The following TMEM242 variants were observed in gnomAD, a reference collection of about 807,000 sequenced individuals.
TMEM242 encodes transmembrane protein 242, also known as UPF0463 transmembrane protein C6orf35.
Under a neutral mutation model 18.2 loss-of-function variants are expected in TMEM242, and 10 were observed. The ratio of observed to expected loss-of-function variants is 0.55; its 90% CI spans 0.34 to 0.93. The LOEUF is 0.93. Ranked by LOEUF, TMEM242 falls within the 40% of genes least tolerant of loss-of-function variation. The pLI, the probability that TMEM242 is intolerant of heterozygous loss-of-function variation, is 0.02. For missense variants in TMEM242, 186 were observed against 175.5 expected (o/e 1.06, Z -0.34); for synonymous variants, 57 against 69.9 (o/e 0.81, Z 0.92).
rs1163583391 is a variant in TMEM242 at position 157,289,561 on chromosome 6, C to T, written c.*3340G>A. The T allele has an allele frequency of 6.6e-6, 1 of 152,156 alleles. No individual in the cohort carries two copies. Among genetic ancestry groups the T allele is most frequent in the African/African-American group, 2.4e-5 (1 of 41,426 alleles). 9.4% of individuals were successfully genotyped at this position (152,156 alleles called of 1,614,324 possible). The stretch of plus-strand genomic sequence containing the variant: ...TTAACAATTTGTCTTAAAGATGATA[C>T]ATAAAAATGAGATGAAAATATATAA... On this transcript the variant is annotated 3_prime_UTR_variant, in exon 4 of 4. Coordinates refer to ENST00000400788, the MANE Select transcript of TMEM242 (RefSeq NM_018452.6).
chr6:157,293,100 C>A (rs1777705401), intron 3 of TMEM242, 101 bp from the exon 4 acceptor site: 1 of 771,402 alleles, frequency 1.3e-6, no homozygotes, highest in Non-Finnish European at 2.3e-6. Flanking sequence ...TCACTGCTCA[C>A]AGATACAGAG....
intron 2 of TMEM242, among the ~76,000 whole-genome samples, chr6:157,321,476 G>A (rs1554250739): frequency 2.6e-5 from 4 of 152,148 alleles, no homozygotes; most frequent in Non-Finnish European, 5.9e-5. Flanking sequence ...TCACAGTTTG[G>A]TGCTACTGCC....
At chr6:157,295,966 A>C (rs1387676411) in intron 3 of TMEM242, among the ~76,000 whole-genome samples, 1 of 152,146 alleles carries the variant, frequency 6.6e-6, no homozygotes, top group East Asian at 1.9e-4. Context: ...GTAAATGAAA[A>C]CCTTCACATC....
chr6:157,319,992 C>T (rs1258395603), intron 2 of TMEM242, among the ~76,000 whole-genome samples: 1 of 152,180 alleles, frequency 6.6e-6, no homozygotes. Context: ...GCTAAGCACT[C>T]AAATATTAGA....
intron 3 of TMEM242, among the ~76,000 whole-genome samples, chr6:157,311,195 G>GTGTCCCAGTGTGCACTCACCTAGCCCC (rs1778060570): frequency 1.1e-4 from 1 of 8,892 alleles, no homozygotes; most frequent in Non-Finnish European, 2.2e-4. Context: ...CACCCAGCCT[G>GTGTCCCAGTGTGCACTCACCTAGCCCC]ATCATACTGT....
rs1188165598 is a variant in TMEM242, at chr6:157,290,618, T to A, written c.*2283A>T. ...CTTTCCATTAACCAATTTAACAATA[T>A]GCCTCTGGTACAAAAGGAATAGACA... On this transcript the variant is annotated 3_prime_UTR_variant, in exon 4 of 4. Coordinates refer to ENST00000400788, the MANE Select transcript of TMEM242 (RefSeq NM_018452.6). The A allele has an allele frequency of 6.6e-6, 1 of 152,224 alleles. No individual in the cohort carries two copies. Among genetic ancestry groups the A allele is most frequent in the Non-Finnish European group, 1.5e-5 (1 of 68,040 alleles). 9.4% of individuals were successfully genotyped at this position (152,224 alleles called of 1,614,324 possible).
intron 3 of TMEM242, chr6:157,318,340 C>T (rs1407137768): frequency 1.2e-5 from 2 of 166,046 alleles, no homozygotes; most frequent in Non-Finnish European, 2.6e-5. Flanking sequence ...GGTGATCCTC[C>T]TCCCTCAGCC....
chr6:157,323,376 A>T (rs1583578927), intron 1 of TMEM242, 36 bp downstream of exon 1: 1 of 1,606,974 alleles, frequency 6.2e-7, no homozygotes, highest in African/African-American at 1.3e-5. Context: ...GGGTTAACTC[A>T]CCCCGACGCC....
intron 3 of TMEM242, among the ~76,000 whole-genome samples, chr6:157,313,411 CAGTGTGCGCTCACCT>C (rs1778272080): frequency 7.8e-5 from 2 of 25,648 alleles, no homozygotes; most frequent in Admixed American, 4.1e-4. Context: ...TTACAGTGTC[CAGTGTGCGCTCACCT>C]GGCCTCATCA....
At chr6:157,314,160 G>A in intron 3 of TMEM242, among the ~76,000 whole-genome samples, 1 of 147,990 alleles carries the variant, frequency 6.8e-6, no homozygotes, top group Non-Finnish European at 1.5e-5. Flanking sequence ...GTGTCCCTGT[G>A]TGCGCTCACC....
At chr6:157,306,191 G>C (rs925933332) in intron 3 of TMEM242, among the ~76,000 whole-genome samples, 12 of 152,206 alleles carry the variant, frequency 7.9e-5, no homozygotes, top group Admixed American at 2.6e-4. Context: ...TTTATCTCTG[G>C]TAACAGGAAG....
chr6:157,289,364 A>T lies in TMEM242; in HGVS notation c.*3537T>A, dbSNP rs964861965. The T allele has an allele frequency of 2.0e-5, 3 of 152,228 alleles. No individual in the cohort carries two copies. Among genetic ancestry groups the T allele is most frequent in the African/African-American group, 4.8e-5 (2 of 41,460 alleles). The allele number at this position is 152,228 out of a possible 1,614,324, so 9.4% of individuals were successfully genotyped here. On this transcript the variant is annotated 3_prime_UTR_variant, in exon 4 of 4. Coordinates refer to ENST00000400788, the MANE Select transcript of TMEM242 (RefSeq NM_018452.6). ...TCGCAGCCTTGGGCAATTAATCCTGATAACACCAAGAGAGACCCAAATACT... is the reference window on the plus strand; with the variant it reads ...TCGCAGCCTTGGGCAATTAATCCTGTTAACACCAAGAGAGACCCAAATACT...
chr6:157,318,904 C>T lies in TMEM242; in HGVS notation c.205G>A (p.Ala69Thr). ...GAAGACCCGCTTTCCGGTAATGCAG[C>T]CGTGGCCATACTTCCCTGAAATGAA... is the stretch of plus-strand genomic sequence containing the variant. ...EWFNKGSMAT[A>T]ALPESGSSLA... The change falls in exon 3 of 4, where the codon GCT (alanine) becomes ACT (threonine). Residue 69 changes from alanine (A) to threonine (T), a missense_variant. Ala to Thr is a moderately conservative substitution (Grantham distance 58, BLOSUM62 0). Coordinates refer to ENST00000400788, the MANE Select transcript of TMEM242 (RefSeq NM_018452.6). 1.2e-6 allele frequency: 2 copies of T among 1,605,808 alleles called. No individual in the cohort carries two copies. The highest frequency in any genetic ancestry group is 1.7e-6 in the Non-Finnish European group (2 of 1,177,018).
At chr6:157,315,600 A>G (rs1330018927) in intron 3 of TMEM242, among the ~76,000 whole-genome samples, 1 of 152,218 alleles carries the variant, frequency 6.6e-6, no homozygotes, top group Non-Finnish European at 1.5e-5. Flanking sequence ...GCAGAGGCTG[A>G]GTAGATATTT....
chr6:157,299,291 A>C, intron 3 of TMEM242: 4 of 784,360 alleles, frequency 5.1e-6, no homozygotes, highest in Non-Finnish European at 9.3e-6. Context: ...TCATTTTAAT[A>C]ATCTCATAGG....
At chr6:157,313,232 C>T (rs1236073316) in intron 3 of TMEM242, among the ~76,000 whole-genome samples, 1 of 142,438 alleles carries the variant, frequency 7.0e-6, no homozygotes, top group Non-Finnish European at 1.5e-5. Flanking sequence ...CTGGCCTCAT[C>T]ATAGTGTCGC....
At chr6:157,300,574 A>G (rs1554247462) in intron 3 of TMEM242, among the ~76,000 whole-genome samples, 1 of 152,164 alleles carries the variant, frequency 6.6e-6, no homozygotes, top group Non-Finnish European at 1.5e-5. Context: ...TGCCTGCACC[A>G]TCTCCCAGTG....
chr6:157,312,573 C>A (rs797027742), intron 3 of TMEM242, among the ~76,000 whole-genome samples: 9,291 of 57,964 alleles, frequency 0.16, 51 homozygotes, highest in East Asian at 0.32. Flanking sequence ...AGTGTACGCT[C>A]ACCCGGCCTC....
At chr6:157,294,347 C>CTTTTTT (rs587765277) in intron 3 of TMEM242, among the ~76,000 whole-genome samples, 26 of 115,244 alleles carry the variant, frequency 2.3e-4, no homozygotes, top group East Asian at 1.5e-3. Context: ...CAAGTCATTT[C>CTTTTTT]TTTTTTTTTT....
Sources: allele counts gnomAD v4.1 joint callset (sites outside exome capture counted in the v4.1 genomes callset), GRCh38; gene constraint gnomAD v4.1.1; transcripts MANE v1.5; gene names NCBI Gene and HGNC (gene_info 2026-07-23, HGNC 2026-07-21).